ATP6V1C1: variants seen among roughly 807,000 people sequenced by gnomAD.
ATP6V1C1 encodes the protein V-type proton ATPase subunit C 1.
A neutral mutation model predicts 53.9 loss-of-function variants in ATP6V1C1; 45 were observed. The observed-to-expected ratio is 0.83, with a 90% CI of 0.66 to 1.07. ATP6V1C1 has a LOEUF of 1.07. ATP6V1C1 is among the 50% of genes least tolerant of loss of function. The pLI, the probability that ATP6V1C1 is intolerant of heterozygous loss-of-function variation, is 0.00. For synonymous variants in ATP6V1C1, 153 were observed against 155.2 expected (o/e 0.99, Z 0.11); for missense variants, 315 against 440.3 (o/e 0.72, Z 2.55).
chr8:103,068,669 A>G lies in ATP6V1C1; in HGVS notation c.1071A>G (p.Pro357=), dbSNP rs755365293. 33 of 1,607,362 alleles carry G rather than the reference A, an allele frequency of 2.1e-5. No individual in the cohort carries two copies. The South Asian group carries it at 3.6e-4, about 17-fold the overall frequency. ...AAIIDAPMDI[P]GLNLSQQEYY... Reference sequence around the variant, plus strand: ...TTCCATAGGCTCCTATGGATATTCCAGGTTTAAACCTGAGTCAACAAGAAT... The same window carrying G: ...TTCCATAGGCTCCTATGGATATTCCGGGTTTAAACCTGAGTCAACAAGAAT... The change falls in exon 13 of 13, where the codon CCA becomes CCG. Residue 357 remains proline (P), a synonymous_variant. Coordinates refer to ENST00000518738, the MANE Select transcript of ATP6V1C1 (RefSeq NM_001695.5).
At chr8:103,045,677 C>G (rs935683649) in intron 3 of ATP6V1C1, among the ~76,000 whole-genome samples, 2 of 152,148 alleles carry the variant, frequency 1.3e-5, no homozygotes, top group Non-Finnish European at 2.9e-5. Flanking sequence ...CATGGTGGCT[C>G]ACGCCTGTAA....
intron 10 of ATP6V1C1, 43 bp downstream of exon 10, chr8:103,063,271 G>A (rs1331037151): frequency 7.9e-7 from 1 of 1,270,190 alleles, no homozygotes. Flanking sequence ...CTAAGCAGAA[G>A]AAAAAGTGGT....
chr8:103,052,877 C>G (rs1817224560), intron 6 of ATP6V1C1, 55 bp downstream of exon 6: 1 of 1,076,486 alleles, frequency 9.3e-7, no homozygotes, highest in African/African-American at 1.6e-5. Flanking sequence ...TACTAGCATG[C>G]ACCGAAGGAG....
intron 3 of ATP6V1C1, among the ~76,000 whole-genome samples, chr8:103,043,920 G>A (rs750390934): frequency 3.3e-5 from 5 of 151,982 alleles, no homozygotes; most frequent in African/African-American, 1.2e-4. Context: ...ACAGAGTCTC[G>A]CTCTGTTGCC....
chr8:103,068,724 T>C lies in ATP6V1C1; in HGVS notation c.1126T>C (p.Cys376Arg). The change falls in exon 13 of 13, where the codon TGC becomes CGC. Residue 376 changes from cysteine to arginine, a missense_variant. Coordinates refer to ENST00000518738, the MANE Select transcript of ATP6V1C1 (RefSeq NM_001695.5). ...YYPYVYYKID[C>R]NLLEFK ...CCCCTATGTGTACTACAAGATTGAT[T>C]GCAACTTGCTGGAATTCAAGTGAAA... The C allele has an allele frequency of 6.2e-7, 1 of 1,609,340 alleles. No individual in the cohort carries two copies. Among genetic ancestry groups the C allele is most frequent in the Non-Finnish European group, 8.5e-7 (1 of 1,177,936 alleles).
chr8:103,056,073 T>A, intron 8 of ATP6V1C1, 137 bp downstream of exon 8: 1 of 762,126 alleles, frequency 1.3e-6, no homozygotes, highest in Non-Finnish European at 2.1e-6. Context: ...ACTCTAGTTG[T>A]AATAATTTTA....
At chr8:103,037,304 T>C (rs1271258392) in intron 1 of ATP6V1C1, among the ~76,000 whole-genome samples, 2 of 152,150 alleles carry the variant, frequency 1.3e-5, no homozygotes, top group Non-Finnish European at 2.9e-5. Context: ...GTTGGACATA[T>C]TGACCCCCGA....
intron 3 of ATP6V1C1, among the ~76,000 whole-genome samples, chr8:103,043,231 C>G (rs1817032349): frequency 6.6e-6 from 1 of 152,170 alleles, no homozygotes; most frequent in South Asian, 2.1e-4. Context: ...TGAAGATTCT[C>G]ATTTCTCTAC....
intron 1 of ATP6V1C1, among the ~76,000 whole-genome samples, chr8:103,037,113 G>A (rs548077865): frequency 6.6e-6 from 1 of 152,270 alleles, no homozygotes; most frequent in South Asian, 2.1e-4. Flanking sequence ...AGCAACCGGC[G>A]ATAGGTGGTG....
intron 1 of ATP6V1C1, among the ~76,000 whole-genome samples, chr8:103,022,222 C>A (rs574372037): frequency 6.6e-6 from 1 of 152,056 alleles, no homozygotes; most frequent in African/African-American, 2.4e-5. Flanking sequence ...AGGATTTGAA[C>A]AGGTTGAGAG....
chr8:103,048,278 G>A (rs1463227793), intron 3 of ATP6V1C1, among the ~76,000 whole-genome samples: 2 of 152,268 alleles, frequency 1.3e-5, no homozygotes, highest in South Asian at 4.1e-4. Flanking sequence ...TAAAGTAATG[G>A]CCAGAACCAC....
At chr8:103,044,215 G>T (rs931516167) in intron 3 of ATP6V1C1, among the ~76,000 whole-genome samples, 19 of 152,118 alleles carry the variant, frequency 1.2e-4, no homozygotes, top group African/African-American at 4.3e-4. Flanking sequence ...TATCTGTGAA[G>T]CACAAAAGTT....
At position 103,052,717 on chromosome 8, in the gene ATP6V1C1, T is replaced by C; in HGVS notation, c.382-14T>C. 6.5e-7 allele frequency: 1 copy of C among 1,538,552 alleles called. No individual in the cohort carries two copies. Among genetic ancestry groups the C allele is most frequent in the South Asian group, 1.2e-5 (1 of 81,440 alleles). The stretch of plus-strand genomic sequence containing the variant: ...GAAAATTTTATCTATTTTTCTTCTT[T>C]TTCTTTTTCAAAGGGAGTAACTCAG... On this transcript the variant is annotated splice_polypyrimidine_tract_variant and intron_variant, in intron 5 of 12. Transcript: ENST00000518738.
At chr8:103,067,604 T>C (rs556817839) in intron 12 of ATP6V1C1, among the ~76,000 whole-genome samples, 48 of 148,608 alleles carry the variant, frequency 3.2e-4, no homozygotes, top group Non-Finnish European at 5.8e-4. Flanking sequence ...TTTTCTTTTT[T>C]TTTTTTTTTT....
At chr8:103,031,813 A>G (rs1049917187) in intron 1 of ATP6V1C1, among the ~76,000 whole-genome samples, 3 of 152,208 alleles carry the variant, frequency 2.0e-5, no homozygotes, top group Non-Finnish European at 4.4e-5. Flanking sequence ...GGTTTAACAT[A>G]CATGTGATCT....
chr8:103,055,606 C>T (rs1321857225), intron 7 of ATP6V1C1, among the ~76,000 whole-genome samples: 4 of 152,308 alleles, frequency 2.6e-5, no homozygotes, highest in African/African-American at 9.6e-5. Context: ...CTGTGCTTTA[C>T]TTCCTTTCCG....
At chr8:103,059,930 A>G (rs1054204063) in intron 8 of ATP6V1C1, among the ~76,000 whole-genome samples, 41 of 146,626 alleles carry the variant, frequency 2.8e-4, no homozygotes, top group Non-Finnish European at 4.5e-4. Context: ...CTTGTACCCT[A>G]TGTCCCAGCC....
chr8:103,042,683 C>G (rs1443679247), intron 3 of ATP6V1C1, among the ~76,000 whole-genome samples: 1 of 152,082 alleles, frequency 6.6e-6, no homozygotes, highest in African/African-American at 2.4e-5. Flanking sequence ...TTCAGTGATT[C>G]TTAGTGTATT....
At chr8:103,055,804 C>G (rs964459101) in intron 7 of ATP6V1C1, 64 bp from the exon 8 acceptor site, 4 of 1,469,368 alleles carry the variant, frequency 2.7e-6, no homozygotes, top group Middle Eastern at 3.5e-4. Flanking sequence ...TTTTTCTCTT[C>G]CTGGATATGG....
Sources: gnomAD v4.1 joint callset for allele counts (sites outside exome capture counted in the v4.1 genomes callset) on GRCh38, gnomAD v4.1.1 for gene constraint, MANE v1.5 for transcripts, NCBI Gene and HGNC (gene_info 2026-07-23, HGNC 2026-07-21) for gene names.